Variants in MAP7 observed in about 807,000 individuals in gnomAD.
The protein encoded by MAP7 is ensconsin.
In MAP7, 52 loss-of-function variants were observed where a neutral mutation model predicts 94.8. That is an observed-to-expected ratio of 0.55 (90% CI 0.44 to 0.69). The LOEUF (loss-of-function observed/expected upper bound fraction) is 0.69. Among genes scored for constraint, MAP7 ranks in the 30% least tolerant of loss-of-function variants. The pLI, the probability that MAP7 is intolerant of heterozygous loss-of-function variation, is 0.00. For missense variants in MAP7, 940 were observed against 964.6 expected, an observed-to-expected ratio of 0.97 and a Z score of 0.34; for synonymous variants, 350 against 357.0, an observed-to-expected ratio of 0.98 and a Z score of 0.22.
intron 1 of MAP7, among the ~76,000 whole-genome samples, chr6:136,536,507 C>T (rs1181916600): frequency 6.6e-6 from 1 of 152,140 alleles, no homozygotes; most frequent in Non-Finnish European, 1.5e-5. Flanking sequence ...ACCATTTTGC[C>T]TTTTTCATAA....
chr6:136,532,541 T>A (rs1337666496), intron 1 of MAP7, among the ~76,000 whole-genome samples: 2 of 152,198 alleles, frequency 1.3e-5, no homozygotes, highest in Non-Finnish European at 2.9e-5. Flanking sequence ...TAAAAAGTTA[T>A]GTTTCTTGAC....
intron 1 of MAP7, chr6:136,525,732 G>T: frequency 7.6e-7 from 1 of 1,320,442 alleles, no homozygotes; most frequent in Non-Finnish European, 1.0e-6. Flanking sequence ...AGCACTCCCT[G>T]GAGCATGCAC....
chr6:136,395,408 ATTTT>A lies in MAP7; in HGVS notation c.245-5895_245-5892del, dbSNP rs34425736. Among the ~76,000 whole-genome samples, 501 of 87,718 alleles carry A rather than the reference ATTTT, an allele frequency of 5.7e-3. 7 individuals carry two copies. The highest frequency in any genetic ancestry group is 0.019 in the African/African-American group (438 of 23,526). The allele number at this position is 87,718 out of a possible 152,430, so 57.5% of individuals were successfully genotyped here. ...GATCATTTGCCCATTTTTAATTTGG[ATTTT>A]TTTTTTTTTTTTTTTTTGCACTATT... On this transcript the variant is annotated intron_variant, in intron 3 of 17. Transcript: ENST00000354570.
At chr6:136,420,018 C>T (rs1790761474) in intron 2 of MAP7, 1 of 820,716 alleles carries the variant, frequency 1.2e-6, no homozygotes, top group Non-Finnish European at 2.1e-6. Flanking sequence ...TATTAGCCAC[C>T]ACCACTTGAT....
chr6:136,435,274 C>T (rs897579938), intron 1 of MAP7, among the ~76,000 whole-genome samples: 2 of 152,212 alleles, frequency 1.3e-5, no homozygotes, highest in Non-Finnish European at 2.9e-5. Flanking sequence ...AGGAACCCAG[C>T]TACTCTCCTT....
At chr6:136,427,647 T>C (rs776399961) in intron 1 of MAP7, among the ~76,000 whole-genome samples, 11 of 152,212 alleles carry the variant, frequency 7.2e-5, no homozygotes, top group Non-Finnish European at 1.3e-4. Context: ...AAAAACTAAA[T>C]AGGATCATCT....
At chr6:136,544,365 T>C (rs1829561510) in intron 1 of MAP7, among the ~76,000 whole-genome samples, 2 of 152,220 alleles carry the variant, frequency 1.3e-5, no homozygotes. Flanking sequence ...CACAATCACT[T>C]CTAATCTGAT....
intron 1 of MAP7, among the ~76,000 whole-genome samples, chr6:136,507,070 C>T (rs942632496): frequency 4.6e-5 from 7 of 152,132 alleles, no homozygotes; most frequent in Non-Finnish European, 5.9e-5. Context: ...CTGCCTGATT[C>T]GTGAATCGTT....
intron 1 of MAP7, among the ~76,000 whole-genome samples, chr6:136,539,703 G>T (rs1317333567): frequency 6.6e-6 from 1 of 152,172 alleles, no homozygotes; most frequent in Non-Finnish European, 1.5e-5. Flanking sequence ...TGTAAGCTGG[G>T]TGTGGTGGCT....
chr6:136,527,784 T>C (rs1192021203), intron 1 of MAP7, among the ~76,000 whole-genome samples: 4 of 152,180 alleles, frequency 2.6e-5, no homozygotes, highest in African/African-American at 9.7e-5. Context: ...TATCTACTCT[T>C]ATTGTCCAGC....
chr6:136,492,411 G>C (rs1309543139), intron 1 of MAP7, among the ~76,000 whole-genome samples: 1 of 152,196 alleles, frequency 6.6e-6, no homozygotes, highest in Admixed American at 6.5e-5. Context: ...ACCCTCCCAT[G>C]TAATTTTCTG....
At chr6:136,423,916 C>T (rs1792313275) in intron 1 of MAP7, among the ~76,000 whole-genome samples, 1 of 151,946 alleles carries the variant, frequency 6.6e-6, no homozygotes, top group African/African-American at 2.4e-5. Flanking sequence ...TCTGCCTCAG[C>T]TCCCAAGTAG....
intron 1 of MAP7, among the ~76,000 whole-genome samples, chr6:136,482,042 A>G (rs957082765): frequency 1.3e-5 from 2 of 152,228 alleles, no homozygotes; most frequent in African/African-American, 4.8e-5. Flanking sequence ...AAAGATTTAC[A>G]TTAGACAAAT....
chr6:136,360,647 C>G, intron 13 of MAP7, 50 bp downstream of exon 13: 2 of 1,543,532 alleles, frequency 1.3e-6, no homozygotes, highest in Non-Finnish European at 1.8e-6. Flanking sequence ...GTCTCTGGGT[C>G]TTAGAGGTGC....
At chr6:136,503,161 C>T (rs1393825505) in intron 1 of MAP7, among the ~76,000 whole-genome samples, 2 of 152,176 alleles carry the variant, frequency 1.3e-5, no homozygotes, top group Non-Finnish European at 2.9e-5. Context: ...GTTTTCAATA[C>T]ATGCTCTCCT....
intron 1 of MAP7, among the ~76,000 whole-genome samples, chr6:136,523,749 G>A (rs553588805): frequency 6.6e-6 from 1 of 152,014 alleles, no homozygotes; most frequent in Non-Finnish European, 1.5e-5. Flanking sequence ...TATGGGCAGG[G>A]ATAGAAAGAA....
chr6:136,520,477 T>C (rs1348665609), intron 1 of MAP7, among the ~76,000 whole-genome samples: 1 of 152,220 alleles, frequency 6.6e-6, no homozygotes, highest in African/African-American at 2.4e-5. Context: ...TTCCATTTAC[T>C]CTGAAAAGTA....
At chr6:136,531,891 G>C (rs750524500) in intron 1 of MAP7, among the ~76,000 whole-genome samples, 2 of 152,142 alleles carry the variant, frequency 1.3e-5, no homozygotes, top group Non-Finnish European at 2.9e-5. Context: ...ATGAGAACAA[G>C]TGCTCTATAT....
At chr6:136,431,662 C>T (rs561138492) in intron 1 of MAP7, among the ~76,000 whole-genome samples, 6 of 152,178 alleles carry the variant, frequency 3.9e-5, no homozygotes, top group South Asian at 2.1e-4. Flanking sequence ...GGACTACAGG[C>T]GCGTGCCACC....
Sources: allele counts gnomAD v4.1 joint callset (sites outside exome capture counted in the v4.1 genomes callset), GRCh38; gene constraint gnomAD v4.1.1; transcripts MANE v1.5; gene names NCBI Gene and HGNC (gene_info 2026-07-23, HGNC 2026-07-21).